FREM1: variants seen among roughly 807,000 people sequenced by gnomAD.
FREM1 encodes the protein FRAS1 related extracellular matrix 1.
FREM1 carries 220 observed loss-of-function variants against 210.1 expected under a neutral mutation model. The ratio of observed to expected loss-of-function variants is 1.05; its 90% CI spans 0.94 to 1.17. The LOEUF (loss-of-function observed/expected upper bound fraction) is 1.17, where lower values mean the gene tolerates loss of function less well. FREM1 is among the 50% of genes most tolerant of loss of function. The probability of loss-of-function intolerance (pLI) is 0.00; values close to 1 mark genes in which losing one functional copy is unlikely to be tolerated. For synonymous variants in FREM1, 1,189 were observed against 980.2 expected, an observed-to-expected ratio of 1.21 and a Z score of -3.98; for missense variants, 3,454 against 2,675.5, an observed-to-expected ratio of 1.29 and a Z score of -6.42.
In FREM1 at chr9:14,860,992, C is replaced by CAT. The variant is rs1346715560; in HGVS notation, c.330-1510_330-1509dup. Among the ~76,000 whole-genome samples, 6 of 122,774 alleles carry CAT rather than the reference C, an allele frequency of 4.9e-5. 2 individuals carry two copies. Among genetic ancestry groups the CAT allele is most frequent in the Non-Finnish European group, 9.5e-5 (6 of 63,132 alleles). 80.5% of individuals were successfully genotyped at this position (122,774 alleles called of 152,430 possible). ...ATATATACATATATACACATATATA[C>CAT]ATATATATACACATATATACATATA... On this transcript the variant is annotated intron_variant, in intron 3 of 36. Transcript: ENST00000380880.
intron 2 of FREM1, among the ~76,000 whole-genome samples, chr9:14,866,922 C>G (rs973067877): frequency 6.6e-6 from 1 of 151,882 alleles, no homozygotes; most frequent in Non-Finnish European, 1.5e-5. Context: ...TGTAGTGGCA[C>G]TATCTTGGCT....
chr9:14,876,260 T>G (rs1236409721), intron 1 of FREM1, among the ~76,000 whole-genome samples: 52 of 151,584 alleles, frequency 3.4e-4, no homozygotes, highest in African/African-American at 1.2e-3. Context: ...CTTTTTGTTT[T>G]TCTGTGCCCT....
intron 3 of FREM1, among the ~76,000 whole-genome samples, 193 bp downstream of exon 3, chr9:14,863,616 A>G (rs1830975154): frequency 1.3e-5 from 2 of 152,190 alleles, no homozygotes; most frequent in African/African-American, 4.8e-5. Context: ...AGGGAAGATG[A>G]CACAAGTGGA....
At chr9:14,761,127 A>C (rs1845421956) in intron 27 of FREM1, among the ~76,000 whole-genome samples, 1 of 152,184 alleles carries the variant, frequency 6.6e-6, no homozygotes, top group Non-Finnish European at 1.5e-5. Context: ...ACATGTGTTC[A>C]CATATTTCAC....
intron 5 of FREM1, among the ~76,000 whole-genome samples, 191 bp downstream of exon 5, chr9:14,857,362 T>C (rs896464782): frequency 6.6e-6 from 1 of 152,176 alleles, no homozygotes; most frequent in Non-Finnish European, 1.5e-5. Flanking sequence ...AGGGAAATTT[T>C]ATACAAAACC....
Position 14,824,870 on chromosome 9 carries a change from A to G in FREM1, c.2004T>C (p.Phe668=). Residue 668 remains phenylalanine (F), a synonymous_variant, in exon 11 of 37, where the codon TTT becomes TTC. Coordinates refer to ENST00000380880, the MANE Select transcript of FREM1 (RefSeq NM_001379081.2). ...CCCTGTCATATGATTCTGAATCTAT[A>G]AAATGTAGCTGTTTCTTAGTTATAT... ...VAYITKKQLH[F]IDSESYDREL... is the part of the protein sequence containing the mutation. The G allele has an allele frequency of 1.9e-6, 3 of 1,613,626 alleles. No individual in the cohort carries two copies. Among genetic ancestry groups the G allele is most frequent in the Non-Finnish European group, 2.5e-6 (3 of 1,179,638 alleles).
At chr9:14,835,265 C>T (rs1824342173) in intron 10 of FREM1, among the ~76,000 whole-genome samples, 2 of 152,322 alleles carry the variant, frequency 1.3e-5, no homozygotes, top group South Asian at 4.1e-4. Flanking sequence ...AAGGTATACT[C>T]CTGTAAACAA....
At chr9:14,841,271 C>T (rs924462329) in intron 10 of FREM1, among the ~76,000 whole-genome samples, 176 bp downstream of exon 10, 4 of 152,172 alleles carry the variant, frequency 2.6e-5, no homozygotes, top group African/African-American at 9.7e-5. Context: ...AAAAGTCTTT[C>T]AAAAAGGAAA....
chr9:14,827,732 A>T (rs1007076192), intron 10 of FREM1, among the ~76,000 whole-genome samples: 1 of 152,216 alleles, frequency 6.6e-6, no homozygotes, highest in Non-Finnish European at 1.5e-5. Context: ...TTCCCATCAC[A>T]GGTTCAGAAT....
chr9:14,850,748 A>C (rs1026582406), intron 6 of FREM1, among the ~76,000 whole-genome samples: 1 of 152,224 alleles, frequency 6.6e-6, no homozygotes, highest in African/African-American at 2.4e-5. Context: ...TGTTAAAAAT[A>C]AAAGAATTGT....
intron 20 of FREM1, among the ~76,000 whole-genome samples, chr9:14,800,914 A>G (rs1053088649): frequency 6.6e-6 from 1 of 152,166 alleles, no homozygotes; most frequent in Non-Finnish European, 1.5e-5. Context: ...TAATTGGCAA[A>G]TAAACATTGT....
chr9:14,907,479 T>TG (rs929549330), intron 1 of FREM1, among the ~76,000 whole-genome samples: 22 of 152,284 alleles, frequency 1.4e-4, no homozygotes, highest in Non-Finnish European at 2.8e-4. Context: ...TGTGCATGTG[T>TG]GGAAGCTGTC....
At chr9:14,878,091 A>G (rs898136862) in intron 1 of FREM1, among the ~76,000 whole-genome samples, 4 of 152,102 alleles carry the variant, frequency 2.6e-5, no homozygotes, top group African/African-American at 9.7e-5. Flanking sequence ...TCGGCATCAC[A>G]GTCAGTATTT....
At chr9:14,861,130 C>CATATATACATATATACACAT (rs1830303658) in intron 3 of FREM1, among the ~76,000 whole-genome samples, 1 of 69,130 alleles carries the variant, frequency 1.4e-5, no homozygotes, top group Non-Finnish European at 2.8e-5. Flanking sequence ...CATATATACA[C>CATATATACATATATACACAT]ATATATACAT....
At chr9:14,738,357 A>G (rs916419143) in intron 36 of FREM1, among the ~76,000 whole-genome samples, 2 of 98,150 alleles carry the variant, frequency 2.0e-5, no homozygotes, top group Non-Finnish European at 4.4e-5. Flanking sequence ...TCCTAGATAC[A>G]TAACATTTTA....
intron 20 of FREM1, among the ~76,000 whole-genome samples, chr9:14,798,453 T>A (rs115405336): frequency 0.042 from 6,368 of 150,008 alleles, 449 homozygotes; most frequent in African/African-American, 0.15. Context: ...TTTAAAAGAA[T>A]TTTTTTTTTG....
At position 14,823,330 on chromosome 9, in the gene FREM1, G is replaced by A. The variant is rs771825742; in HGVS notation, c.2170-3C>T. ...ACTTTCATATAGTTCACAGCATGCTGCAAAGTAAGTTGAGATGGATATGTG... is the reference window on the plus strand; with the variant it reads ...ACTTTCATATAGTTCACAGCATGCTACAAAGTAAGTTGAGATGGATATGTG... On this transcript the variant is annotated splice_polypyrimidine_tract_variant and splice_region_variant and intron_variant, in intron 12 of 36. Transcript: ENST00000380880. 4 of 1,611,552 alleles carry A rather than the reference G, an allele frequency of 2.5e-6. No homozygotes were observed. The highest frequency in any genetic ancestry group is 1.1e-5 in the South Asian group (1 of 90,616).
intron 5 of FREM1, among the ~76,000 whole-genome samples, chr9:14,856,378 AC>A (rs1031220938): frequency 6.6e-6 from 1 of 152,180 alleles, no homozygotes; most frequent in African/African-American, 2.4e-5. Flanking sequence ...AGTCTGCCTC[AC>A]AGTTTTTTTC....
At position 14,859,353 on chromosome 9, in the gene FREM1, A is replaced by G. The variant is rs1829376803; in HGVS notation, c.461T>C (p.Ile154Thr). Residue 154 changes from isoleucine (I) to threonine (T), a missense_variant, in exon 4 of 37, where the codon ATT becomes ACT. By Grantham distance (89) the Ile-to-Thr change is moderately conservative (BLOSUM62 -1). Transcript: ENST00000380880. ...ATCGAATCTGAGCAGATTTTTATCA[A>G]TCGCTTGGGACAAGCCATTGAATTC... ...VPEFNGLSQAIDKNLLRFDYD... is the reference protein window; with the variant it reads ...VPEFNGLSQATDKNLLRFDYD... The G allele has an allele frequency of 6.2e-7, 1 of 1,613,890 alleles. No individual in the cohort carries two copies. Among genetic ancestry groups the G allele is most frequent in the Non-Finnish European group, 8.5e-7 (1 of 1,179,864 alleles).
Sources: allele counts gnomAD v4.1 joint callset (sites outside exome capture counted in the v4.1 genomes callset), GRCh38; gene constraint gnomAD v4.1.1; transcripts MANE v1.5; gene names NCBI Gene and HGNC (gene_info 2026-07-23, HGNC 2026-07-21).